Variants in PTK7 observed in about 807,000 individuals in gnomAD.
PTK7 encodes protein tyrosine kinase 7 (inactive).
A neutral mutation model predicts 116.6 loss-of-function variants in PTK7; 39 were observed. That is an observed-to-expected ratio of 0.33 (90% CI 0.26 to 0.44). The LOEUF (loss-of-function observed/expected upper bound fraction) is 0.44. Ranked by LOEUF, PTK7 falls within the 20% of genes least tolerant of loss-of-function variation. The pLI, the probability that PTK7 is intolerant of heterozygous loss-of-function variation, is 1.00. For synonymous variants in PTK7, 546 were observed against 563.6 expected (o/e 0.97, Z 0.44); for missense variants, 1,169 against 1,425.6 (o/e 0.82, Z 2.90).
intron 1 of PTK7, among the ~76,000 whole-genome samples, chr6:43,089,534 A>T (rs1561934697): frequency 6.6e-6 from 1 of 152,258 alleles, no homozygotes; most frequent in African/African-American, 2.4e-5. Flanking sequence ...GAAAAAAAGG[A>T]AATGCTGTCG....
In PTK7 at chr6:43,076,638, G is replaced by T; in HGVS notation, c.79+71G>T. On this transcript the variant is annotated intron_variant, in intron 1 of 19. Coordinates refer to ENST00000230419, the MANE Select transcript of PTK7 (RefSeq NM_002821.5). The surrounding 1 kb of genome is among the most constrained non-coding windows in gnomAD (Gnocchi z 5.7). The stretch of plus-strand genomic sequence containing the variant: ...GTCCCGTGGGCAAAAGGCTGCGCCC[G>T]GGGCGGTGGGTTTGGGCGGCTGGAA... 6.7e-7 allele frequency: 1 copy of T among 1,487,228 alleles called. No homozygotes were observed. The highest frequency in any genetic ancestry group is 1.4e-5 in the African/African-American group (1 of 69,448). The allele number at this position is 1,487,228 out of a possible 1,614,324, so 92.1% of individuals were successfully genotyped here. A position where few individuals can be genotyped will look rare whatever the true frequency, so the allele number is the denominator to read the frequency against.
chr6:43,130,114 A>C (rs1011444892), intron 3 of PTK7, 116 bp from the exon 4 acceptor site: 25 of 1,121,250 alleles, frequency 2.2e-5, no homozygotes, highest in Non-Finnish European at 3.2e-5. Flanking sequence ...TCCCTTCCTC[A>C]GGCCGTTTCT....
chr6:43,085,953 A>AAAT (rs1554146538), intron 1 of PTK7, among the ~76,000 whole-genome samples: 5 of 147,910 alleles, frequency 3.4e-5, no homozygotes, highest in Admixed American at 1.3e-4. Flanking sequence ...AAAAAAAAAA[A>AAAT]ACATGGCTTC....
chr6:43,113,271 A>T (rs1370802149), intron 1 of PTK7, among the ~76,000 whole-genome samples: 1 of 151,974 alleles, frequency 6.6e-6, no homozygotes, highest in East Asian at 1.9e-4. Flanking sequence ...CGTCTCTACT[A>T]AAAATACAAA....
intron 17 of PTK7, among the ~76,000 whole-genome samples, chr6:43,153,706 C>T (rs113525939): frequency 2.0e-4 from 30 of 152,172 alleles, no homozygotes; most frequent in Non-Finnish European, 2.6e-4. Flanking sequence ...ATAGCTACTG[C>T]GCTAAACAGA....
intron 1 of PTK7, among the ~76,000 whole-genome samples, chr6:43,110,365 A>G (rs1178183633): frequency 2.0e-5 from 3 of 150,776 alleles, no homozygotes; most frequent in Non-Finnish European, 4.4e-5. Flanking sequence ...CCATGTTTCT[A>G]TTAGAATTTT....
chr6:43,159,047 T>C (rs1771681643), intron 18 of PTK7, 79 bp downstream of exon 18: 1 of 1,560,976 alleles, frequency 6.4e-7, no homozygotes. Flanking sequence ...GTTTGGGGGG[T>C]GTGGGAAAGG....
Position 43,118,620 on chromosome 6 carries a change from CCTCTCTCTCTCTCTCTCT to C in PTK7, c.80-10334_80-10317del, listed in dbSNP as rs1170818291. Among the ~76,000 whole-genome samples, 353 of 63,348 alleles carry C rather than the reference CCTCTCTCTCTCTCTCTCT, an allele frequency of 5.6e-3. 3 individuals carry two copies. The highest frequency in any genetic ancestry group is 0.017 in the African/African-American group (310 of 18,648). The allele number at this position is 63,348 out of a possible 152,430, so 41.6% of individuals were successfully genotyped here. ...AGAGCAGGTTTAAGGAATATTTTAA[CCTCTCTCTCTCTCTCTCT>C]CTCTCTCTCTCTCTCTCTCTCTATA... is the stretch of plus-strand genomic sequence containing the variant. On this transcript the variant is annotated intron_variant, in intron 1 of 19. Transcript: ENST00000230419.
intron 1 of PTK7, among the ~76,000 whole-genome samples, chr6:43,122,453 G>A (rs184042612): frequency 2.6e-5 from 4 of 152,074 alleles, no homozygotes; most frequent in Admixed American, 6.6e-5. Flanking sequence ...GTGGCCTGGC[G>A]CTGTCTCCCT....
chr6:43,157,364 ATTTTTTTTTT>A (rs1293389236), intron 17 of PTK7, among the ~76,000 whole-genome samples: 4 of 54,364 alleles, frequency 7.4e-5, no homozygotes, highest in African/African-American at 2.9e-4. Context: ...ATATATATAT[ATTTTTTTTTT>A]TCTTTTTTTT....
chr6:43,122,028 G>A (rs1333592462), intron 1 of PTK7, among the ~76,000 whole-genome samples: 1 of 152,168 alleles, frequency 6.6e-6, no homozygotes, highest in Non-Finnish European at 1.5e-5. Flanking sequence ...TGTGGCCCCA[G>A]CTACTCAGGA....
chr6:43,139,669 G>A lies in PTK7; in HGVS notation c.1618+144G>A, dbSNP rs549601711. 1.3e-4 allele frequency: 180 copies of A among 1,353,710 alleles called. No individual in the cohort carries two copies. The highest frequency in any genetic ancestry group is 1.6e-4 in the Non-Finnish European group (164 of 1,010,192). The allele number at this position is 1,353,710 out of a possible 1,614,324, so 83.9% of individuals were successfully genotyped here. A position where few individuals can be genotyped will look rare whatever the true frequency, so the allele number is the denominator to read the frequency against. ...GCAGGGCTGATGTATAGTTTAGTTA[G>A]GAAGGAAAAAGCCAGACACAGAAGA... is the stretch of plus-strand genomic sequence containing the variant. On this transcript the variant is annotated intron_variant, in intron 10 of 19. Transcript: ENST00000230419. This position sits in a 1 kb window ranked among gnomAD's most constrained non-coding sequence, Gnocchi z 4.6.
At chr6:43,136,753 T>G (rs1234312261) in intron 7 of PTK7, among the ~76,000 whole-genome samples, 1 of 151,974 alleles carries the variant, frequency 6.6e-6, no homozygotes, top group Non-Finnish European at 1.5e-5. Context: ...GCAATCCCAG[T>G]ATTTTAGGAG....
At chr6:43,137,158 G>A (rs2150441829) in intron 7 of PTK7, among the ~76,000 whole-genome samples, 1 of 152,314 alleles carries the variant, frequency 6.6e-6, no homozygotes, top group South Asian at 2.1e-4. Context: ...GGTTTTGAGT[G>A]GAAGACTGAT....
At chr6:43,114,708 T>A (rs1321911779) in intron 1 of PTK7, among the ~76,000 whole-genome samples, 1 of 152,116 alleles carries the variant, frequency 6.6e-6, no homozygotes, top group Non-Finnish European at 1.5e-5. Flanking sequence ...GCTTTATGCT[T>A]TATGTTTCCC....
intron 7 of PTK7, among the ~76,000 whole-genome samples, chr6:43,137,909 C>A (rs996297120): frequency 6.6e-6 from 1 of 152,104 alleles, no homozygotes; most frequent in African/African-American, 2.4e-5. Flanking sequence ...CAGGTTCAAG[C>A]GATTCTTGTG....
At chr6:43,134,211 G>A (rs951124391) in intron 7 of PTK7, among the ~76,000 whole-genome samples, 2 of 152,056 alleles carry the variant, frequency 1.3e-5, no homozygotes, top group Non-Finnish European at 2.9e-5. Flanking sequence ...GCTAATTTTT[G>A]TATTTTTAGT....
Position 43,145,370 on chromosome 6 carries a change from C to A in PTK7, c.2578C>A (p.Arg860=). ...GAAGCTGAACCACGCCAACGTGGTG[C>A]GGCTCCTGGGGCTGTGCCGGGAGGC... ...FGKLNHANVV[R]LLGLCREAEP... is the part of the protein sequence containing the mutation. The change falls in exon 16 of 20, where the codon CGG becomes AGG. Residue 860 remains arginine (R), a synonymous_variant. Transcript: ENST00000230419. This position sits in a 1 kb window ranked among gnomAD's most constrained non-coding sequence, Gnocchi z 4.8. 1.9e-6 allele frequency: 3 copies of A among 1,610,862 alleles called. No homozygotes were observed. Among genetic ancestry groups the A allele is most frequent in the Non-Finnish European group, 2.5e-6 (3 of 1,178,762 alleles).
chr6:43,108,933 G>C (rs1034395837), intron 1 of PTK7, among the ~76,000 whole-genome samples: 1 of 151,980 alleles, frequency 6.6e-6, no homozygotes, highest in African/African-American at 2.4e-5. Context: ...CTCATTAACT[G>C]TTTGGTTACC....
Sources: gnomAD v4.1 joint callset for allele counts (sites outside exome capture counted in the v4.1 genomes callset) on GRCh38, gnomAD v4.1.1 for gene constraint, Gnocchi (gnomAD v3.1) non-coding constraint, MANE v1.5 for transcripts, NCBI Gene and HGNC (gene_info 2026-07-23, HGNC 2026-07-21) for gene names.